The following TTLL6 variants were observed in gnomAD, a reference collection of about 807,000 sequenced individuals.
TTLL6 encodes tubulin polyglutamylase TTLL6.
Under a neutral mutation model 96.4 loss-of-function variants are expected in TTLL6, and 75 were observed. That is an observed-to-expected ratio of 0.78 (90% CI 0.65 to 0.94). The LOEUF (loss-of-function observed/expected upper bound fraction) is 0.94, where lower values mean the gene tolerates loss of function less well. Among genes scored for constraint, TTLL6 ranks in the 40% least tolerant of loss-of-function variants. The pLI, the probability that TTLL6 is intolerant of heterozygous loss-of-function variation, is 0.00. For synonymous variants in TTLL6, 411 were observed against 419.4 expected (o/e 0.98, Z 0.24); for missense variants, 1,030 against 1,093.0 (o/e 0.94, Z 0.81).
intron 8 of TTLL6, among the ~76,000 whole-genome samples, chr17:48,794,727 C>T (rs2039288139): frequency 6.6e-6 from 1 of 152,214 alleles, no homozygotes; most frequent in Non-Finnish European, 1.5e-5. Flanking sequence ...TTTCTGTGTG[C>T]TTTTTGGAAT....
chr17:48,774,304 C>G (rs2038826941), intron 13 of TTLL6, among the ~76,000 whole-genome samples: 1 of 130,050 alleles, frequency 7.7e-6, no homozygotes. Context: ...GCTGGGACTA[C>G]AGGCGCACAT....
intron 7 of TTLL6, among the ~76,000 whole-genome samples, 156 bp from the exon 8 acceptor site, chr17:48,796,302 G>A (rs542003755): frequency 2.0e-5 from 3 of 152,106 alleles, no homozygotes; most frequent in African/African-American, 4.8e-5. Context: ...AAGTAAGAAG[G>A]GGTGTCCTGC....
intron 8 of TTLL6, chr17:48,794,419 G>GCTC (rs1275113023): frequency 1.1e-4 from 160 of 1,429,032 alleles, no homozygotes; most frequent in Non-Finnish European, 3.8e-5. Context: ...GGGCAGGGCA[G>GCTC]GGAGTCTCAT....
At position 48,769,742 on chromosome 17, in the gene TTLL6, A is replaced by T; in HGVS notation, c.2396T>A (p.Met799Lys). 6.2e-7 allele frequency: 1 copy of T among 1,613,846 alleles called. No individual in the cohort carries two copies. The highest frequency in any genetic ancestry group is 2.2e-5 in the East Asian group (1 of 44,864). The change falls in exon 14 of 16, where the codon ATG (methionine) becomes AAG (lysine). Residue 799 changes from methionine to lysine, a missense_variant. Met to Lys is a moderately conservative substitution (Grantham distance 95, BLOSUM62 -1). Coordinates refer to ENST00000393382, the MANE Select transcript of TTLL6 (RefSeq NM_001130918.3). ...FPAHYNPKLGMNNLSQNPSLP... is the reference protein window; with the variant it reads ...FPAHYNPKLGKNNLSQNPSLP... ...CTGGCACTCACGTGACAGGTTATTC[A>T]TCCCCAGCTTGGGGTTGTAGTGAGC...
intron 13 of TTLL6, among the ~76,000 whole-genome samples, chr17:48,780,689 C>T (rs1391196282): frequency 1.3e-5 from 2 of 152,156 alleles, no homozygotes; most frequent in African/African-American, 4.8e-5. Flanking sequence ...CATGATTCCA[C>T]TTTCTAAGAG....
chr17:48,795,104 G>A (rs1373941353), intron 8 of TTLL6, among the ~76,000 whole-genome samples: 2 of 152,188 alleles, frequency 1.3e-5, no homozygotes, highest in African/African-American at 2.4e-5. Flanking sequence ...GAGGTGGGAA[G>A]ATCACGAGGT....
intron 13 of TTLL6, among the ~76,000 whole-genome samples, chr17:48,779,731 C>T (rs1342147307): frequency 6.6e-6 from 1 of 152,144 alleles, no homozygotes; most frequent in Non-Finnish European, 1.5e-5. Flanking sequence ...AAATACAATT[C>T]AGCAAACTAC....
At chr17:48,789,771 G>A (rs1040617430) in intron 10 of TTLL6, among the ~76,000 whole-genome samples, 160 bp downstream of exon 10, 1 of 152,092 alleles carries the variant, frequency 6.6e-6, no homozygotes, top group Non-Finnish European at 1.5e-5. Context: ...TGGCCAGCCT[G>A]GTCTCGAACT....
chr17:48,796,809 G>T (rs926954622), intron 7 of TTLL6, among the ~76,000 whole-genome samples: 1 of 152,016 alleles, frequency 6.6e-6, no homozygotes. Context: ...ACAAGCCCCA[G>T]ACTCACCTCT....
intron 3 of TTLL6, among the ~76,000 whole-genome samples, chr17:48,803,282 G>A (rs2039454737): frequency 6.6e-6 from 1 of 152,054 alleles, no homozygotes; most frequent in South Asian, 2.1e-4. Context: ...ATCACTTGAG[G>A]TCAGGAGTTT....
In TTLL6 at chr17:48,769,805, G is replaced by A. The variant is rs1348392376; in HGVS notation, c.2333C>T (p.Thr778Ile). The A allele has an allele frequency of 1.9e-6, 3 of 1,614,126 alleles. No homozygotes were observed. Among genetic ancestry groups the A allele is most frequent in the South Asian group, 2.2e-5 (2 of 91,092 alleles). The change falls in exon 14 of 16, where the codon ACC becomes ATC. Residue 778 changes from threonine (T) to isoleucine (I), a missense_variant. Coordinates refer to ENST00000393382, the MANE Select transcript of TTLL6 (RefSeq NM_001130918.3). ...NKPHLISELL[T>I]KLQLSGKLSF... Reference sequence around the variant, plus strand: ...GAGCTTCCCACTCAGTTGAAGCTTGGTGAGTAGCTCGGATATCAAATGTGG... The same window carrying A: ...GAGCTTCCCACTCAGTTGAAGCTTGATGAGTAGCTCGGATATCAAATGTGG...
At chr17:48,780,787 C>T (rs931525479) in intron 13 of TTLL6, among the ~76,000 whole-genome samples, 2 of 152,196 alleles carry the variant, frequency 1.3e-5, no homozygotes, top group African/African-American at 4.8e-5. Context: ...TAAACATCCT[C>T]AAGGGTAAGT....
At chr17:48,768,857 C>G in intron 15 of TTLL6, 132 bp downstream of exon 15, 1 of 1,026,868 alleles carries the variant, frequency 9.7e-7, no homozygotes, top group South Asian at 1.6e-5. Context: ...CACATTTTTA[C>G]TAAGTCTTCA....
At chr17:48,795,120 G>C (rs892318345) in intron 8 of TTLL6, among the ~76,000 whole-genome samples, 1 of 152,184 alleles carries the variant, frequency 6.6e-6, no homozygotes, top group African/African-American at 2.4e-5. Context: ...GAGGTGAAGA[G>C]ATCATGACCA....
At chr17:48,785,343 C>G in intron 12 of TTLL6, 142 bp from the exon 13 acceptor site, 1 of 1,259,410 alleles carries the variant, frequency 7.9e-7, no homozygotes, top group Non-Finnish European at 1.1e-6. Flanking sequence ...ATGTGGGGCT[C>G]TCAACTTGGA....
At chr17:48,811,190 T>A (rs959056757) in intron 1 of TTLL6, among the ~76,000 whole-genome samples, 1 of 149,590 alleles carries the variant, frequency 6.7e-6, no homozygotes, top group African/African-American at 2.5e-5. Flanking sequence ...TGCCTCAGCC[T>A]CCCGAGTAGC....
chr17:48,784,851 A>T, intron 13 of TTLL6, 72 bp downstream of exon 13: 1 of 1,363,162 alleles, frequency 7.3e-7, no homozygotes, highest in Non-Finnish European at 1.0e-6. Flanking sequence ...GGTCACAGCA[A>T]GTTGGGGGTA....
At chr17:48,789,226 TCTC>T (rs2039169344) in intron 10 of TTLL6, among the ~76,000 whole-genome samples, 1 of 152,190 alleles carries the variant, frequency 6.6e-6, no homozygotes, top group Admixed American at 6.5e-5. Context: ...TGTAACTTAA[TCTC>T]CTATTTCTAG....
chr17:48,809,545 T>A (rs760036162), intron 1 of TTLL6, among the ~76,000 whole-genome samples: 24 of 152,172 alleles, frequency 1.6e-4, no homozygotes, highest in Non-Finnish European at 2.2e-4. Flanking sequence ...GAACAAGTCA[T>A]GGCTCCTTCT....
Sources: gnomAD v4.1 joint callset for allele counts (sites outside exome capture counted in the v4.1 genomes callset) on GRCh38, gnomAD v4.1.1 for gene constraint, MANE v1.5 for transcripts, NCBI Gene and HGNC (gene_info 2026-07-23, HGNC 2026-07-21) for gene names.